Variants in NLGN1 observed in about 807,000 individuals in gnomAD.
NLGN1 encodes neuroligin-1.
In NLGN1, 12 loss-of-function variants were observed where a neutral mutation model predicts 65.5. The observed-to-expected ratio is 0.18, with a 90% confidence interval of 0.12 to 0.30. The LOEUF (loss-of-function observed/expected upper bound fraction) is 0.30, where lower values mean the gene tolerates loss of function less well. Ranked by LOEUF, NLGN1 falls within the 10% of genes least tolerant of loss-of-function variation. The pLI, the probability that NLGN1 is intolerant of heterozygous loss-of-function variation, is 1.00. For missense variants in NLGN1, 750 were observed against 1,007.1 expected (o/e 0.74, Z 3.46); for synonymous variants, 350 against 359.5 (o/e 0.97, Z 0.30).
At chr3:174,162,055 G>C (rs7626464) in intron 4 of NLGN1, among the ~76,000 whole-genome samples, 39,297 of 151,526 alleles carry the variant, frequency 0.26, 6,241 homozygotes, top group African/African-American at 0.45. Context: ...GTTAACTCCT[G>C]GGGTAGTTAC....
intron 2 of NLGN1, among the ~76,000 whole-genome samples, chr3:173,508,887 C>G (rs1394955887): frequency 6.6e-6 from 1 of 151,736 alleles, no homozygotes; most frequent in Non-Finnish European, 1.5e-5. Flanking sequence ...CTTGGTCCAC[C>G]TGTTCATTCT....
At chr3:174,283,385 TA>T (rs1292110064) in exon 7 of NLGN1, 1 of 151,498 alleles carries the variant, frequency 6.6e-6, no homozygotes, top group Non-Finnish European at 1.5e-5. Context: ...ATCTCTTAGG[TA>T]CAGATGTTGT....
chr3:173,778,159 T>G (rs531407817), intron 3 of NLGN1, among the ~76,000 whole-genome samples: 2 of 151,898 alleles, frequency 1.3e-5, no homozygotes, highest in African/African-American at 2.4e-5. Flanking sequence ...GTGTCTGTTT[T>G]TTTAAAAAAA....
At chr3:174,142,023 C>CT (rs1346010093) in intron 4 of NLGN1, among the ~76,000 whole-genome samples, 1 of 152,100 alleles carries the variant, frequency 6.6e-6, no homozygotes, top group Admixed American at 6.6e-5. Context: ...CCCTTCTAAT[C>CT]TCAACTTTCC....
At chr3:174,003,264 A>G (rs990016673) in intron 4 of NLGN1, among the ~76,000 whole-genome samples, 7 of 152,138 alleles carry the variant, frequency 4.6e-5, no homozygotes, top group African/African-American at 1.7e-4. Flanking sequence ...TATGAAAATA[A>G]CTTATTTCAC....
chr3:173,745,516 A>C (rs1775232630), intron 3 of NLGN1, among the ~76,000 whole-genome samples: 1 of 152,086 alleles, frequency 6.6e-6, no homozygotes, highest in Admixed American at 6.6e-5. Context: ...AAACAGACAA[A>C]AGTTCAAGCA....
chr3:173,927,895 G>A (rs1743311556), intron 4 of NLGN1, among the ~76,000 whole-genome samples: 1 of 152,166 alleles, frequency 6.6e-6, no homozygotes. Flanking sequence ...CAGTGATAGG[G>A]AGAGGGGCTC....
chr3:173,923,629 C>T (rs1579214233), intron 4 of NLGN1, among the ~76,000 whole-genome samples: 1 of 152,042 alleles, frequency 6.6e-6, no homozygotes, highest in East Asian at 1.9e-4. Flanking sequence ...CATAATCTCC[C>T]TCTCACATCT....
chr3:173,416,005 C>T (rs1383872404), intron 1 of NLGN1, among the ~76,000 whole-genome samples: 1 of 150,672 alleles, frequency 6.6e-6, no homozygotes, highest in Non-Finnish European at 1.5e-5. Flanking sequence ...TAGCTATTAC[C>T]AGGTGTGATT....
At chr3:173,830,464 C>G (rs971625142) in intron 4 of NLGN1, among the ~76,000 whole-genome samples, 2 of 152,080 alleles carry the variant, frequency 1.3e-5, no homozygotes, top group African/African-American at 2.4e-5. Context: ...AAATGTATAG[C>G]TTTTATAATC....
chr3:173,715,978 T>G (rs1319948570), intron 3 of NLGN1, among the ~76,000 whole-genome samples: 1 of 152,194 alleles, frequency 6.6e-6, no homozygotes, highest in Non-Finnish European at 1.5e-5. Flanking sequence ...AGTTGTATTT[T>G]AAATTATTTG....
chr3:174,184,428 G>A (rs1182267828), intron 4 of NLGN1, among the ~76,000 whole-genome samples: 1 of 151,900 alleles, frequency 6.6e-6, no homozygotes, highest in African/African-American at 2.4e-5. Flanking sequence ...TTCTTCTAAA[G>A]CTATTTATAT....
chr3:173,931,990 CTGTTT>C (rs888816639), intron 4 of NLGN1, among the ~76,000 whole-genome samples: 10 of 151,832 alleles, frequency 6.6e-5, no homozygotes, highest in South Asian at 2.1e-4. Flanking sequence ...AGGTGTTTTT[CTGTTT>C]TGTTTTGTTT....
intron 4 of NLGN1, among the ~76,000 whole-genome samples, chr3:173,935,009 A>G (rs1744793205): frequency 2.0e-5 from 3 of 152,062 alleles, no homozygotes; most frequent in African/African-American, 7.2e-5. Flanking sequence ...AGTAAGTCTT[A>G]ATGGTTACAA....
chr3:173,510,688 GA>G (rs1189934067), intron 2 of NLGN1, among the ~76,000 whole-genome samples: 1 of 152,102 alleles, frequency 6.6e-6, no homozygotes, highest in African/African-American at 2.4e-5. Context: ...CTCTCCAGTT[GA>G]TAAATTATCT....
chr3:173,904,283 A>G (rs1030569953), intron 4 of NLGN1, among the ~76,000 whole-genome samples: 1 of 151,704 alleles, frequency 6.6e-6, no homozygotes, highest in Non-Finnish European at 1.5e-5. Context: ...CTCCTTTCCA[A>G]TTTCAGTTTA....
chr3:173,755,505 G>A (rs893974715), intron 3 of NLGN1, among the ~76,000 whole-genome samples: 11 of 152,060 alleles, frequency 7.2e-5, no homozygotes, highest in Non-Finnish European at 4.4e-5. Context: ...TTCTTTGGGA[G>A]CAATTTTCAA....
chr3:173,628,344 C>T (rs922773265), intron 3 of NLGN1, among the ~76,000 whole-genome samples: 1 of 152,242 alleles, frequency 6.6e-6, no homozygotes, highest in Middle Eastern at 3.4e-3. Flanking sequence ...CTGACTTTTT[C>T]TGCCTGTAAT....
rs571338649 is a variant in NLGN1, at chr3:173,490,146, A to G, written c.-321+55068A>G. On this transcript the variant is annotated intron_variant, in intron 2 of 6. Coordinates refer to ENST00000457714, the Ensembl canonical transcript of NLGN1. ...TGCCATTGCTTTTGGTGTTTTAGAC[A>G]TGAAGTCCTTGCCCATGCCTATGTC... Among the ~76,000 whole-genome samples, 22 of 152,342 alleles carry G rather than the reference A, an allele frequency of 1.4e-4. No individual in the cohort carries two copies. In the East Asian group the frequency reaches 4.2e-3, roughly 29 times the overall value.
Sources: allele counts gnomAD v4.1 joint callset (sites outside exome capture counted in the v4.1 genomes callset), GRCh38; gene constraint gnomAD v4.1.1; transcripts MANE v1.5; gene names NCBI Gene and HGNC (gene_info 2026-07-23, HGNC 2026-07-21).